The following ENPP6 variants were observed in gnomAD, a reference collection of about 807,000 sequenced individuals.
ENPP6 encodes the protein glycerophosphocholine cholinephosphodiesterase ENPP6.
In ENPP6, 32 loss-of-function variants were observed where a neutral mutation model predicts 42.0. That is an observed-to-expected ratio of 0.76 (90% CI 0.58 to 1.02). The LOEUF is 1.02. Among genes scored for constraint, ENPP6 ranks in the 50% least tolerant of loss-of-function variants. The pLI is 0.00. For missense variants in ENPP6, 552 were observed against 566.8 expected, an observed-to-expected ratio of 0.97 and a Z score of 0.27; for synonymous variants, 213 against 216.0, an observed-to-expected ratio of 0.99 and a Z score of 0.12.
intron 4 of ENPP6, 96 bp downstream of exon 4, chr4:184,117,663 C>G (rs145954744): frequency 1.3e-6 from 2 of 1,552,062 alleles, no homozygotes; most frequent in Non-Finnish European, 8.8e-7. Flanking sequence ...TGGCCTTTAG[C>G]AGTAAGAGGG....
At chr4:184,112,839 G>C in intron 5 of ENPP6, 30 bp from the exon 6 acceptor site, 1 of 1,604,694 alleles carries the variant, frequency 6.2e-7, no homozygotes, top group Non-Finnish European at 8.5e-7. Flanking sequence ...TGATCAGTTT[G>C]ACACTCTCTT....
chr4:184,098,960 C>G (rs1220904773), intron 6 of ENPP6, among the ~76,000 whole-genome samples: 1 of 152,236 alleles, frequency 6.6e-6, no homozygotes, highest in African/African-American at 2.4e-5. Context: ...GGTTGGCTCA[C>G]AAGACTAGTA....
chr4:184,151,472 C>T (rs766238485), intron 2 of ENPP6, among the ~76,000 whole-genome samples: 1 of 152,212 alleles, frequency 6.6e-6, no homozygotes, highest in Non-Finnish European at 1.5e-5. Context: ...AGATGAAAGG[C>T]CCTCTCCAGG....
intron 1 of ENPP6, among the ~76,000 whole-genome samples, chr4:184,183,283 A>G (rs6842745): frequency 0.11 from 17,214 of 152,254 alleles, 1,357 homozygotes; most frequent in African/African-American, 0.23. Context: ...CTGAGTATGT[A>G]GAAATATGTA....
At chr4:184,172,188 T>TG (rs1737479994) in intron 1 of ENPP6, among the ~76,000 whole-genome samples, 1 of 152,124 alleles carries the variant, frequency 6.6e-6, no homozygotes. Context: ...AGCCCAGTGA[T>TG]GTGGCGCATT....
rs79835071 is a variant in ENPP6, at chr4:184,123,496, A to T, written c.533+665T>A. ...AAACTCAAAAGCCCCCAGCATCTGT[A>T]ACCTCTCGGTTGCTGATCTCTACTT... On this transcript the variant is annotated intron_variant, in intron 3 of 7. Transcript: ENST00000296741. 2.2e-3 allele frequency among the ~76,000 whole-genome samples: 339 copies of T among 152,164 alleles called. 8 individuals are homozygous for T. The highest frequency in any genetic ancestry group is 9.7e-4 in the East Asian group (5 of 5,174).
In ENPP6 at chr4:184,117,808, G is replaced by A. The variant is rs1305424286; in HGVS notation, c.626C>T (p.Ala209Val). 2 of 1,614,256 alleles carry A rather than the reference G, an allele frequency of 1.2e-6. No individual in the cohort carries two copies. ...YGPASPQRKD[A>V]LKAVDTVLKY... ...CAGGACAGTGTCTACAGCCTTGAGGGCATCTTTCCTCTGCGGAGATGCAGG... is the reference window on the plus strand; with the variant it reads ...CAGGACAGTGTCTACAGCCTTGAGGACATCTTTCCTCTGCGGAGATGCAGG... Residue 209 changes from alanine (A) to valine (V), a missense_variant, in exon 4 of 8, where the codon GCC becomes GTC. This residue lies in a region of ENPP6 where 545 missense variants were observed against 546.3 expected (regional missense o/e 1.00). Transcript: ENST00000296741.
At chr4:184,097,990 G>A (rs1183778322) in intron 6 of ENPP6, among the ~76,000 whole-genome samples, 1 of 152,224 alleles carries the variant, frequency 6.6e-6, no homozygotes, top group African/African-American at 2.4e-5. Flanking sequence ...TGAAGCCCAC[G>A]GGGCGTGCGG....
intron 1 of ENPP6, among the ~76,000 whole-genome samples, chr4:184,195,655 C>G (rs1352395024): frequency 6.6e-6 from 1 of 152,184 alleles, no homozygotes; most frequent in Non-Finnish European, 1.5e-5. Flanking sequence ...TTTGACCACT[C>G]TAGGTAACCT....
At chr4:184,217,327 G>GT (rs1362341129) in intron 1 of ENPP6, among the ~76,000 whole-genome samples, 1 of 152,180 alleles carries the variant, frequency 6.6e-6, no homozygotes, top group African/African-American at 2.4e-5. Context: ...CAAATATCAT[G>GT]TACTGCTATA....
chr4:184,148,239 C>T (rs1049463925), intron 2 of ENPP6, among the ~76,000 whole-genome samples: 2 of 152,088 alleles, frequency 1.3e-5, no homozygotes, highest in African/African-American at 4.8e-5. Context: ...ATTCCAAGGC[C>T]TTGAGTCACA....
intron 7 of ENPP6, among the ~76,000 whole-genome samples, chr4:184,096,213 T>C (rs1172677802): frequency 1.3e-5 from 2 of 152,012 alleles, no homozygotes; most frequent in Non-Finnish European, 2.9e-5. Flanking sequence ...GAGTGAACGA[T>C]GGTAGGCTGA....
chr4:184,099,942 C>T (rs1735971324), intron 6 of ENPP6, among the ~76,000 whole-genome samples: 1 of 152,224 alleles, frequency 6.6e-6, no homozygotes, highest in African/African-American at 2.4e-5. Flanking sequence ...AATTATGAAC[C>T]TCATAGTCTG....
In ENPP6 at chr4:184,091,072, G is replaced by T; in HGVS notation, c.*105C>A. The T allele has an allele frequency of 9.5e-7, 1 of 1,052,796 alleles. No homozygotes were observed. Among genetic ancestry groups the T allele is most frequent in the Non-Finnish European group, 1.3e-6 (1 of 741,796 alleles). 65.2% of individuals were successfully genotyped at this position (1,052,796 alleles called of 1,614,324 possible). A position where few individuals can be genotyped will look rare whatever the true frequency, so the allele number is the denominator to read the frequency against. ...ATGTATTTACAATGTGCATGGTCTTGATTGTGTTAATGAAGCTATTATTCA... is the reference window on the plus strand; with the variant it reads ...ATGTATTTACAATGTGCATGGTCTTTATTGTGTTAATGAAGCTATTATTCA... On this transcript the variant is annotated 3_prime_UTR_variant, in exon 8 of 8. Coordinates refer to ENST00000296741, the MANE Select transcript of ENPP6 (RefSeq NM_153343.4).
intron 3 of ENPP6, among the ~76,000 whole-genome samples, chr4:184,120,246 G>A (rs1190436579): frequency 6.6e-6 from 1 of 152,168 alleles, no homozygotes; most frequent in Admixed American, 6.5e-5. Flanking sequence ...GGCCAGGACA[G>A]GGGAGCTGGC....
At chr4:184,206,383 G>A (rs1034952105) in intron 1 of ENPP6, among the ~76,000 whole-genome samples, 2 of 103,770 alleles carry the variant, frequency 1.9e-5, no homozygotes, top group African/African-American at 8.0e-5. Flanking sequence ...TCAGCCTCCC[G>A]AGTAGCTGGG....
chr4:184,198,178 G>A (rs946945322), intron 1 of ENPP6, among the ~76,000 whole-genome samples: 7 of 152,256 alleles, frequency 4.6e-5, no homozygotes, highest in Non-Finnish European at 1.0e-4. Flanking sequence ...CCAGAGCCTT[G>A]TAGAAAGATG....
chr4:184,212,579 G>A (rs1448195381), intron 1 of ENPP6, among the ~76,000 whole-genome samples: 2 of 151,192 alleles, frequency 1.3e-5, no homozygotes, highest in African/African-American at 2.5e-5. Flanking sequence ...ACTGGTCAAC[G>A]AAATAAAAGA....
At chr4:184,146,493 C>T (rs1300252608) in intron 2 of ENPP6, among the ~76,000 whole-genome samples, 1 of 151,740 alleles carries the variant, frequency 6.6e-6, no homozygotes, top group African/African-American at 2.4e-5. Context: ...GTTTTTCTTG[C>T]TATAAAAACA....
Sources: gnomAD v4.1 joint callset for allele counts (sites outside exome capture counted in the v4.1 genomes callset) on GRCh38, gnomAD v4.1.1 for gene constraint, gnomAD v4.1.1 regional missense constraint, MANE v1.5 for transcripts, NCBI Gene and HGNC (gene_info 2026-07-23, HGNC 2026-07-21) for gene names.